Variants in MACROH2A1 observed in about 807,000 individuals in gnomAD.
The protein encoded by MACROH2A1 is macroH2A.1 histone, also known as core histone macro-H2A.1.
MACROH2A1 carries 2 observed loss-of-function variants against 31.6 expected under a neutral mutation model. The observed-to-expected ratio is 0.06, with a 90% CI of 0.03 to 0.20. MACROH2A1 has a LOEUF of 0.20. Ranked by LOEUF, MACROH2A1 falls within the 10% of genes least tolerant of loss-of-function variation. MACROH2A1 has a pLI of 1.00. For synonymous variants in MACROH2A1, 169 were observed against 189.6 expected (o/e 0.89, Z 0.89); for missense variants, 230 against 474.0 (o/e 0.49, Z 4.78).
intron 2 of MACROH2A1, among the ~76,000 whole-genome samples, chr5:135,386,204 G>A (rs1217328925): frequency 1.3e-5 from 2 of 152,210 alleles, no homozygotes; most frequent in Non-Finnish European, 2.9e-5. Context: ...GTTCTGAGGG[G>A]TGGAACAGAG....
chr5:135,353,257 G>A (rs1447990227), intron 5 of MACROH2A1: 1 of 526,460 alleles, frequency 1.9e-6, no homozygotes, highest in Non-Finnish European at 3.4e-6. Context: ...TGAATGTTCA[G>A]AGCCCGTGGG....
At position 135,343,540 on chromosome 5, in the gene MACROH2A1, C is replaced by A. The variant is rs188070659; in HGVS notation, c.779-106G>T. 13 of 1,507,568 alleles carry A rather than the reference C, an allele frequency of 8.6e-6. No homozygotes were observed. In the East Asian group the frequency reaches 2.3e-4, roughly 26 times the overall value. 93.4% of individuals were successfully genotyped at this position (1,507,568 alleles called of 1,614,324 possible). Reference sequence around the variant, plus strand: ...CTGCCACGGTATATCTTCCTGGGCCCTCCAATGCCCTGTGTCCGAGGAGTT... The same window carrying A: ...CTGCCACGGTATATCTTCCTGGGCCATCCAATGCCCTGTGTCCGAGGAGTT... On this transcript the variant is annotated intron_variant, in intron 7 of 8. Coordinates refer to ENST00000511689, the MANE Select transcript of MACROH2A1 (RefSeq NM_138610.3).
intron 2 of MACROH2A1, among the ~76,000 whole-genome samples, chr5:135,386,212 G>T (rs1766383952): frequency 6.6e-6 from 1 of 152,202 alleles, no homozygotes; most frequent in South Asian, 2.1e-4. Flanking sequence ...GGGTGGAACA[G>T]AGCAGCATTC....
intron 2 of MACROH2A1, among the ~76,000 whole-genome samples, chr5:135,387,575 C>A (rs1265327383): frequency 6.6e-6 from 1 of 152,178 alleles, no homozygotes; most frequent in Non-Finnish European, 1.5e-5. Flanking sequence ...CTTTCCTGAT[C>A]AGACCCACCT....
intron 2 of MACROH2A1, among the ~76,000 whole-genome samples, chr5:135,378,716 G>A (rs1219612484): frequency 6.6e-6 from 1 of 152,204 alleles, no homozygotes; most frequent in Non-Finnish European, 1.5e-5. Context: ...AGAAAGCTAG[G>A]TGGTTTGAGG....
chr5:135,339,791 G>A (rs1759470420), intron 8 of MACROH2A1, among the ~76,000 whole-genome samples: 1 of 152,170 alleles, frequency 6.6e-6, no homozygotes, highest in South Asian at 2.1e-4. Flanking sequence ...TATACAGGAG[G>A]GAGAACATTC....
chr5:135,390,004 CTT>C (rs1171815528), intron 1 of MACROH2A1, among the ~76,000 whole-genome samples: 1 of 152,248 alleles, frequency 6.6e-6, no homozygotes, highest in African/African-American at 2.4e-5. Context: ...AACCAGGACT[CTT>C]GGCCTGCCAT....
intron 8 of MACROH2A1, among the ~76,000 whole-genome samples, chr5:135,339,701 T>C (rs1273366982): frequency 6.6e-6 from 1 of 152,212 alleles, no homozygotes; most frequent in Admixed American, 6.5e-5. Flanking sequence ...TACCATTTTT[T>C]AGTAATTGCC....
At chr5:135,356,166 A>G (rs1348960630) in intron 5 of MACROH2A1, 1 of 152,222 alleles carries the variant, frequency 6.6e-6, no homozygotes, top group Non-Finnish European at 1.5e-5. Context: ...TGAGGAAAGT[A>G]ATCATAGGGC....
chr5:135,339,406 C>A (rs1356411947), intron 8 of MACROH2A1, among the ~76,000 whole-genome samples: 4 of 152,194 alleles, frequency 2.6e-5, no homozygotes, highest in Non-Finnish European at 2.9e-5. Context: ...TCACTAAGCA[C>A]CCCTGCTCTC....
At chr5:135,358,063 T>C in intron 5 of MACROH2A1, 2 of 983,404 alleles carry the variant, frequency 2.0e-6, no homozygotes, top group Non-Finnish European at 2.4e-6. Flanking sequence ...AAACATTTCC[T>C]AAAATCCAAG....
chr5:135,371,204 G>C lies in MACROH2A1; in HGVS notation c.173-1062C>G, dbSNP rs895057095. Among the ~76,000 whole-genome samples the C allele has an allele frequency of 2.6e-5, 4 of 152,276 alleles. No individual in the cohort carries two copies. In the East Asian group the frequency reaches 5.8e-4, roughly 22 times the overall value. ...CATTTCTATGTGGAATCAGGGACTG[G>C]GGGTGGGGTCGGGGCGAATGTTGGT... On this transcript the variant is annotated intron_variant, in intron 2 of 8. Transcript: ENST00000511689.
At chr5:135,335,239 C>T in intron 8 of MACROH2A1, 98 bp from the exon 9 acceptor site, 2 of 890,550 alleles carry the variant, frequency 2.2e-6, no homozygotes, top group Middle Eastern at 2.6e-4. Flanking sequence ...CTGCAGCTTG[C>T]CTTGTGTTGG....
chr5:135,379,524 G>A (rs1765368266), intron 2 of MACROH2A1, among the ~76,000 whole-genome samples: 1 of 152,188 alleles, frequency 6.6e-6, no homozygotes, highest in African/African-American at 2.4e-5. Flanking sequence ...TACCCTTTGG[G>A]TTTGTCTTCT....
chr5:135,369,393 C>T lies in MACROH2A1; in HGVS notation c.477+13G>A, dbSNP rs1466380965. The T allele has an allele frequency of 6.2e-7, 1 of 1,610,218 alleles. No homozygotes were observed. Among genetic ancestry groups the T allele is most frequent in the Non-Finnish European group, 8.5e-7 (1 of 1,176,596 alleles). ...TCCTATCCCACTTCATACATTCTGG[C>T]CAAATCACATACCTTGGATTTCCGG... On this transcript the variant is annotated intron_variant, in intron 4 of 8. Transcript: ENST00000511689. This position sits in a 1 kb window ranked among gnomAD's most constrained non-coding sequence, Gnocchi z 4.3.
At chr5:135,397,391 C>T (rs1263796281) in intron 1 of MACROH2A1, among the ~76,000 whole-genome samples, 1 of 152,170 alleles carries the variant, frequency 6.6e-6, no homozygotes, top group African/African-American at 2.4e-5. Flanking sequence ...ATGTGAAGTT[C>T]CAGACAATTC....
At position 135,335,220 on chromosome 5, in the gene MACROH2A1, C is replaced by T; in HGVS notation, c.954-79G>A. On this transcript the variant is annotated intron_variant, in intron 8 of 8. Coordinates refer to ENST00000511689, the MANE Select transcript of MACROH2A1 (RefSeq NM_138610.3). ...ACCTGCCCCACCTTACAGGCCACCT[C>T]CCTCTGTGCTGCAGCTTGCCTTGTG... 4 of 1,041,756 alleles carry T rather than the reference C, an allele frequency of 3.8e-6. No individual in the cohort carries two copies. The South Asian group carries it at 4.2e-5, about 11-fold the overall frequency. 64.5% of individuals were successfully genotyped at this position (1,041,756 alleles called of 1,614,324 possible). A position where few individuals can be genotyped will look rare whatever the true frequency, so the allele number is the denominator to read the frequency against.
Position 135,360,602 on chromosome 5 carries a change from C to T in MACROH2A1, c.483G>A (p.Lys161=). 1 of 1,611,294 alleles carries T rather than the reference C, an allele frequency of 6.2e-7. No homozygotes were observed. Among genetic ancestry groups the T allele is most frequent in the Non-Finnish European group, 8.5e-7 (1 of 1,177,444 alleles). ...GKKGARKSKK[K]QGEVSKAASA... ...TGGCTGCCTTACTGACTTCACCCTG[C>T]TTCTTCTTGCACAGACGGAAGGGTC... Residue 161 remains lysine (K), a synonymous_variant, in exon 5 of 9, where the codon AAG becomes AAA. Coordinates refer to ENST00000511689, the MANE Select transcript of MACROH2A1 (RefSeq NM_138610.3).
At chr5:135,358,714 A>C (rs2149795723) in intron 5 of MACROH2A1, 1 of 934,794 alleles carries the variant, frequency 1.1e-6, no homozygotes, top group Non-Finnish European at 1.3e-6. Flanking sequence ...TATGTTTGTA[A>C]TTTATTATAG....
Sources: allele counts gnomAD v4.1 joint callset (sites outside exome capture counted in the v4.1 genomes callset), GRCh38; gene constraint gnomAD v4.1.1; non-coding constraint Gnocchi (gnomAD v3.1); transcripts MANE v1.5; gene names NCBI Gene and HGNC (gene_info 2026-07-23, HGNC 2026-07-21).